The following PCDH11X variants were observed in gnomAD, a reference collection of about 807,000 sequenced individuals.
The protein encoded by PCDH11X is protocadherin 11 X-linked.
PCDH11X carries 18 observed loss-of-function variants against 53.3 expected under a neutral mutation model. That is an observed-to-expected ratio of 0.34 (90% CI 0.23 to 0.50). The LOEUF is 0.50. Ranked by LOEUF, PCDH11X falls within the 20% of genes least tolerant of loss-of-function variation. The pLI is 0.98. For missense variants in PCDH11X, 570 were observed against 1,032.4 expected, an observed-to-expected ratio of 0.55 and a Z score of 6.14; for synonymous variants, 279 against 393.3, an observed-to-expected ratio of 0.71 and a Z score of 3.44.
chrX:92,022,767 C>T lies in PCDH11X; in HGVS notation c.3033+143494C>T, dbSNP rs1329769199. 6.3e-5 allele frequency among the ~76,000 whole-genome samples: 7 copies of T among 111,688 alleles called. No individual in the cohort carries two copies. The East Asian group carries it at 8.5e-4, about 14-fold the overall frequency. On this transcript the variant is annotated intron_variant, in intron 6 of 10. Coordinates refer to ENST00000682573, the MANE Select transcript of PCDH11X (RefSeq NM_032968.5). ...TTATTCTAAAATCAACCACATGATT[C>T]GAAGTAAAACACTCCTCAGCAAATG...
intron 6 of PCDH11X, among the ~76,000 whole-genome samples, chrX:91,892,792 C>T (rs1484176451): frequency 7.4e-5 from 8 of 107,904 alleles, no homozygotes; most frequent in Non-Finnish European, 1.2e-4. Flanking sequence ...ACATCCGCCT[C>T]CCGGGTTCAA....
chrX:92,124,686 G>C (rs951896179), intron 6 of PCDH11X, among the ~76,000 whole-genome samples: 5 of 109,540 alleles, frequency 4.6e-5, no homozygotes, highest in African/African-American at 1.7e-4. Context: ...AGCATCCCAA[G>C]GTTTTCAAGA....
intron 6 of PCDH11X, among the ~76,000 whole-genome samples, chrX:91,981,431 A>G (rs1454843931): frequency 7.2e-5 from 8 of 110,758 alleles, no homozygotes; most frequent in Non-Finnish European, 1.3e-4. Flanking sequence ...GAAGTCTACA[A>G]TGATGCAGTA....
Position 91,882,719 on chromosome X carries a change from T to C in PCDH11X, c.3033+3446T>C, listed in dbSNP as rs369009441. 5.4e-5 allele frequency among the ~76,000 whole-genome samples: 6 copies of C among 111,306 alleles called. No homozygotes were observed. The East Asian group carries it at 1.7e-3, about 32-fold the overall frequency. On this transcript the variant is annotated intron_variant, in intron 6 of 10. Transcript: ENST00000682573. ...CATCCTGTAGATATGATACATGGATTTGAAATGATAATTGCAGTCTGAGTT... is the reference window on the plus strand; with the variant it reads ...CATCCTGTAGATATGATACATGGATCTGAAATGATAATTGCAGTCTGAGTT...
chrX:92,195,368 C>G (rs1407836432), intron 6 of PCDH11X, among the ~76,000 whole-genome samples: 1 of 111,401 alleles, frequency 9.0e-6, no homozygotes, highest in Non-Finnish European at 1.9e-5. Context: ...TTGCTCTTGA[C>G]GACAATTTCT....
intron 7 of PCDH11X, among the ~76,000 whole-genome samples, chrX:92,207,380 C>T (rs930994019): frequency 9.0e-6 from 1 of 111,482 alleles, no homozygotes; most frequent in Admixed American, 9.6e-5. Context: ...CCTTCCCTTC[C>T]CCTGATTCAT....
chrX:92,479,846 G>A (rs1360887465), intron 10 of PCDH11X, among the ~76,000 whole-genome samples: 1 of 109,861 alleles, frequency 9.1e-6, no homozygotes, highest in Non-Finnish European at 1.9e-5. Context: ...TTCTTGTAAA[G>A]TATCTTACTG....
intron 10 of PCDH11X, among the ~76,000 whole-genome samples, chrX:92,469,930 A>G (rs1196353702): frequency 9.2e-6 from 1 of 108,710 alleles, no homozygotes; most frequent in Non-Finnish European, 1.9e-5. Flanking sequence ...TTTTTTTTCA[A>G]TTAATGTGAA....
chrX:91,878,652 C>A lies in PCDH11X; in HGVS notation c.2412C>A (p.Ser804=), dbSNP rs766967679. Residue 804 remains serine (S), a synonymous_variant, in exon 6 of 11, where the codon TCC becomes TCA. Coordinates refer to ENST00000682573, the MANE Select transcript of PCDH11X (RefSeq NM_032968.5). ...CAAATACTGAGATAGCTGATGTATC[C>A]TCACCAACTAGTGACTATGTCAAGA... ...VTPNTEIADV[S]SPTSDYVKIL... 2 of 1,210,908 alleles carry A rather than the reference C, an allele frequency of 1.7e-6. No individual in the cohort carries two copies. The highest frequency in any genetic ancestry group is 2.2e-5 in the Admixed American group (1 of 45,897).
chrX:92,167,302 C>CA (rs906411339), intron 6 of PCDH11X, among the ~76,000 whole-genome samples: 6 of 109,974 alleles, frequency 5.5e-5, no homozygotes, highest in African/African-American at 1.3e-4. Context: ...GAGTCTAGTG[C>CA]AAAAAAAATA....
chrX:92,494,033 G>A (rs1328579246), intron 10 of PCDH11X, among the ~76,000 whole-genome samples: 4 of 105,643 alleles, frequency 3.8e-5, no homozygotes, highest in African/African-American at 1.4e-4. Context: ...GCTATGTGAT[G>A]TAATGCAAAG....
intron 6 of PCDH11X, among the ~76,000 whole-genome samples, chrX:91,942,044 A>T (rs1302759188): frequency 9.1e-6 from 1 of 110,475 alleles, no homozygotes; most frequent in African/African-American, 3.3e-5. Context: ...ACCAGGAAAT[A>T]GGGGGAAATT....
At chrX:91,900,748 T>C (rs926991756) in intron 6 of PCDH11X, among the ~76,000 whole-genome samples, 3 of 109,469 alleles carry the variant, frequency 2.7e-5, no homozygotes, top group African/African-American at 1.0e-4. Context: ...GTAAGACTCC[T>C]GTGTTTCTGA....
At chrX:92,022,472 A>T (rs2062901820) in intron 6 of PCDH11X, among the ~76,000 whole-genome samples, 1 of 108,785 alleles carries the variant, frequency 9.2e-6, no homozygotes, top group South Asian at 4.1e-4. Context: ...TGCAACAAGA[A>T]GAGCTAACTA....
At chrX:92,294,495 T>C (rs2522792) in intron 8 of PCDH11X, among the ~76,000 whole-genome samples, 1 of 112,600 alleles carries the variant, frequency 8.9e-6, no homozygotes, top group African/African-American at 3.2e-5. Flanking sequence ...GCATAAATTC[T>C]AGCAATATTA....
intron 6 of PCDH11X, among the ~76,000 whole-genome samples, chrX:92,103,328 C>T (rs751016960): frequency 1.8e-5 from 2 of 110,721 alleles, no homozygotes; most frequent in South Asian, 7.8e-4. Flanking sequence ...GCCTGGCTGT[C>T]AATACCCACA....
intron 8 of PCDH11X, among the ~76,000 whole-genome samples, chrX:92,264,403 C>G (rs781419417): frequency 5.5e-4 from 61 of 111,460 alleles, no homozygotes; most frequent in African/African-American, 2.0e-3. Flanking sequence ...AGTTCATAGA[C>G]AAGATCTCCA....
chrX:92,278,074 G>T (rs756636475), intron 8 of PCDH11X, among the ~76,000 whole-genome samples: 1 of 110,154 alleles, frequency 9.1e-6, no homozygotes, highest in African/African-American at 3.3e-5. Flanking sequence ...TGGATAAAAC[G>T]TGTCTCCTTT....
chrX:92,306,914 C>T (rs2068845137), intron 8 of PCDH11X, among the ~76,000 whole-genome samples: 1 of 110,921 alleles, frequency 9.0e-6, no homozygotes, highest in African/African-American at 3.3e-5. Context: ...CGTGCCACTG[C>T]ACTCCAGCCT....
Sources: allele counts gnomAD v4.1 joint callset (sites outside exome capture counted in the v4.1 genomes callset), GRCh38; gene constraint gnomAD v4.1.1; transcripts MANE v1.5; gene names NCBI Gene and HGNC (gene_info 2026-07-23, HGNC 2026-07-21).